Variants in EPHA6 observed in about 807,000 individuals in gnomAD.
EPHA6 encodes the protein ephrin type-A receptor 6.
In EPHA6, 50 loss-of-function variants were observed where a neutral mutation model predicts 112.0. That is an observed-to-expected ratio of 0.45 (90% confidence interval 0.36 to 0.56). The LOEUF is 0.56. EPHA6 is among the 20% of genes least tolerant of loss of function. The pLI, the probability that EPHA6 is intolerant of heterozygous loss-of-function variation, is 0.00. For synonymous variants in EPHA6, 529 were observed against 490.7 expected (o/e 1.08, Z -1.03); for missense variants, 1,280 against 1,417.4 (o/e 0.90, Z 1.56).
At chr3:97,577,077 T>C (rs960677039) in intron 11 of EPHA6, among the ~76,000 whole-genome samples, 30 of 152,248 alleles carry the variant, frequency 2.0e-4, no homozygotes, top group African/African-American at 6.5e-4. Context: ...AGTGCAGTGG[T>C]ACAATCATGG....
At chr3:97,156,094 T>C (rs1318460059) in intron 3 of EPHA6, among the ~76,000 whole-genome samples, 2 of 152,208 alleles carry the variant, frequency 1.3e-5, no homozygotes, top group Non-Finnish European at 1.5e-5. Flanking sequence ...CATACCATAA[T>C]ACAAATGTGA....
intron 3 of EPHA6, among the ~76,000 whole-genome samples, chr3:97,185,325 G>T (rs576397163): frequency 6.6e-6 from 1 of 152,160 alleles, no homozygotes; most frequent in South Asian, 2.1e-4. Flanking sequence ...GTCTGACAAA[G>T]GGCTAATATC....
Position 96,961,507 on chromosome 3 carries a change from AGT to A in EPHA6, c.451-25818_451-25817del, listed in dbSNP as rs1047676079. Among the ~76,000 whole-genome samples, 32 of 152,154 alleles carry A rather than the reference AGT, an allele frequency of 2.1e-4. 1 individual carries two copies. The highest frequency in any genetic ancestry group is 2.0e-3 in the Admixed American group (30 of 15,276). On this transcript the variant is annotated intron_variant, in intron 2 of 17. Coordinates refer to ENST00000389672, the MANE Select transcript of EPHA6 (RefSeq NM_001080448.3). ...TCTGAGTTGGAGGTTGGCTAAATTG[AGT>A]GTGTCATTTTTTACTTCGCTTAATA...
At chr3:96,939,739 T>G (rs2040826222) in intron 2 of EPHA6, among the ~76,000 whole-genome samples, 2 of 152,214 alleles carry the variant, frequency 1.3e-5, no homozygotes, top group African/African-American at 2.4e-5. Flanking sequence ...TGTGGGCATT[T>G]AGTGCTATAA....
chr3:97,658,818 AGC>A (rs1376574998), intron 14 of EPHA6, among the ~76,000 whole-genome samples: 2 of 152,070 alleles, frequency 1.3e-5, no homozygotes, highest in East Asian at 3.9e-4. Context: ...CCTTTGTAAA[AGC>A]ATCAAACCAT....
chr3:97,622,602 C>G (rs1282370771), intron 13 of EPHA6, among the ~76,000 whole-genome samples: 1 of 151,672 alleles, frequency 6.6e-6, no homozygotes, highest in African/African-American at 2.4e-5. Context: ...GAGTATATAT[C>G]CAGAAGTGGG....
intron 11 of EPHA6, among the ~76,000 whole-genome samples, chr3:97,558,140 C>G (rs1295264708): frequency 6.6e-6 from 1 of 151,984 alleles, no homozygotes; most frequent in African/African-American, 2.4e-5. Context: ...AACCTTTCTA[C>G]TGAAACATAG....
chr3:97,539,262 G>A (rs1173726507), intron 11 of EPHA6, among the ~76,000 whole-genome samples: 3 of 150,162 alleles, frequency 2.0e-5, no homozygotes, highest in African/African-American at 4.9e-5. Context: ...ATTCTCCTGC[G>A]GCAGCCTCCT....
intron 11 of EPHA6, among the ~76,000 whole-genome samples, chr3:97,539,753 A>T (rs1476733576): frequency 6.6e-6 from 1 of 152,232 alleles, no homozygotes; most frequent in African/African-American, 2.4e-5. Context: ...ATAACACTCA[A>T]CTTCCTTTCA....
At chr3:97,467,944 G>A (rs2091108950) in intron 7 of EPHA6, among the ~76,000 whole-genome samples, 1 of 151,598 alleles carries the variant, frequency 6.6e-6, no homozygotes, top group Admixed American at 6.6e-5. Context: ...CCATTAAATT[G>A]TACCAAAATC....
chr3:97,716,619 G>GTGT (rs1412190424), intron 14 of EPHA6, among the ~76,000 whole-genome samples: 1 of 149,876 alleles, frequency 6.7e-6, no homozygotes, highest in African/African-American at 2.4e-5. Context: ...AGGTGCTTCT[G>GTGT]TGTTTCCTCT....
At chr3:97,387,523 GT>G (rs199577944) in intron 5 of EPHA6, among the ~76,000 whole-genome samples, 5,408 of 152,166 alleles carry the variant, frequency 0.036, 316 homozygotes, top group African/African-American at 0.12. Flanking sequence ...CTTTGCTCCA[GT>G]TCCCAATAAG....
intron 5 of EPHA6, among the ~76,000 whole-genome samples, chr3:97,354,111 A>G (rs1027391182): frequency 6.6e-6 from 1 of 152,206 alleles, no homozygotes; most frequent in African/African-American, 2.4e-5. Flanking sequence ...TGCAGTAACC[A>G]AAGATTTAGA....
intron 1 of EPHA6, among the ~76,000 whole-genome samples, chr3:96,822,415 G>A (rs2033330635): frequency 6.6e-6 from 1 of 151,720 alleles, no homozygotes; most frequent in African/African-American, 2.4e-5. Flanking sequence ...AAAATATATT[G>A]AGCTAGTTTC....
chr3:97,723,272 A>G (rs2034613444), intron 15 of EPHA6, among the ~76,000 whole-genome samples: 1 of 152,166 alleles, frequency 6.6e-6, no homozygotes, highest in Non-Finnish European at 1.5e-5. Context: ...AACATAGTCC[A>G]CCATGTAAAT....
At position 97,221,538 on chromosome 3, in the gene EPHA6, A is replaced by G. The variant is rs2078200859; in HGVS notation, c.1115-4726A>G. 2.0e-5 allele frequency among the ~76,000 whole-genome samples: 3 copies of G among 152,228 alleles called. 1 individual carries two copies. In the South Asian group the frequency reaches 6.2e-4, roughly 32 times the overall value. On this transcript the variant is annotated intron_variant, in intron 3 of 17. Coordinates refer to ENST00000389672, the MANE Select transcript of EPHA6 (RefSeq NM_001080448.3). Reference sequence around the variant, plus strand: ...TATAATATAAACAGAAAAATAAGGAAGTAGTAGAGAAGGAAAGAATATATA... The same window carrying G: ...TATAATATAAACAGAAAAATAAGGAGGTAGTAGAGAAGGAAAGAATATATA...
chr3:97,068,557 G>A (rs1382850497), intron 3 of EPHA6, among the ~76,000 whole-genome samples: 1 of 151,926 alleles, frequency 6.6e-6, no homozygotes, highest in East Asian at 1.9e-4. Flanking sequence ...TAGTAGTTGT[G>A]TATAAAAAGA....
chr3:97,228,437 A>G (rs2078423868), intron 4 of EPHA6, among the ~76,000 whole-genome samples: 1 of 152,040 alleles, frequency 6.6e-6, no homozygotes, highest in Non-Finnish European at 1.5e-5. Flanking sequence ...TTCCTGAATT[A>G]CTTCACTTAG....
At chr3:96,999,035 T>C (rs2043530351) in intron 3 of EPHA6, among the ~76,000 whole-genome samples, 1 of 151,920 alleles carries the variant, frequency 6.6e-6, no homozygotes, top group Admixed American at 6.6e-5. Context: ...CTCTTCCTCT[T>C]TTATGGTTAT....
Sources: allele counts gnomAD v4.1 joint callset (sites outside exome capture counted in the v4.1 genomes callset), GRCh38; gene constraint gnomAD v4.1.1; transcripts MANE v1.5; gene names NCBI Gene and HGNC (gene_info 2026-07-23, HGNC 2026-07-21).